HMBOX1: variants seen among roughly 807,000 people sequenced by gnomAD.
The protein encoded by HMBOX1 is homeobox containing 1.
In HMBOX1, 14 loss-of-function variants were observed where a neutral mutation model predicts 54.5. The observed-to-expected ratio is 0.26, with a 90% CI of 0.17 to 0.40. HMBOX1 has a LOEUF of 0.40. Among genes scored for constraint, HMBOX1 ranks in the 10% least tolerant of loss-of-function variants. The pLI is 1.00. For missense variants in HMBOX1, 332 were observed against 514.4 expected (o/e 0.65, Z 3.43); for synonymous variants, 160 against 181.0 (o/e 0.88, Z 0.93).
intron 4 of HMBOX1, among the ~76,000 whole-genome samples, chr8:29,005,831 G>A (rs1406811767): frequency 6.6e-6 from 1 of 152,026 alleles, no homozygotes; most frequent in Non-Finnish European, 1.5e-5. Flanking sequence ...ATATAGTTAT[G>A]TATGGCTTTT....
chr8:29,042,532 TAGA>T (rs1804993946), intron 6 of HMBOX1: 1 of 416,364 alleles, frequency 2.4e-6, no homozygotes, highest in African/African-American at 2.1e-5. Flanking sequence ...GGCAATTGGT[TAGA>T]AAAGACCAAT....
rs775589443 is a variant in HMBOX1, at chr8:29,005,990, A to ATT, written c.587-3063_587-3062dup. Among the ~76,000 whole-genome samples, 368 of 120,846 alleles carry ATT rather than the reference A, an allele frequency of 3.0e-3. 8 individuals carry two copies. The highest frequency in any genetic ancestry group is 0.02 in the South Asian group (70 of 3,584). The allele number at this position is 120,846 out of a possible 152,430, so 79.3% of individuals were successfully genotyped here. On this transcript the variant is annotated intron_variant, in intron 4 of 9. Coordinates refer to ENST00000287701, the MANE Select transcript of HMBOX1 (RefSeq NM_001135726.3). ...GTAGCTATCACAGTTGATGCATTCT[A>ATT]TTTTTTTTTTTTTTTTTTTTGAGAC...
In HMBOX1 at chr8:29,049,087, G is replaced by A. The variant is rs768405634; in HGVS notation, c.1125+39G>A. 3.2e-6 allele frequency: 5 copies of A among 1,583,260 alleles called. No individual in the cohort carries two copies. The Admixed American group carries it at 5.0e-5, about 16-fold the overall frequency. ...CAGCTGGGCGAGGTTCTTGGTGCCT[G>A]AGCAGGGGGTATAGTGGGACAGCTT... On this transcript the variant is annotated intron_variant, in intron 9 of 9. Coordinates refer to ENST00000287701, the MANE Select transcript of HMBOX1 (RefSeq NM_001135726.3).
Position 29,015,107 on chromosome 8 carries a change from G to A in HMBOX1, c.698-3653G>A, listed in dbSNP as rs550089283. Among the ~76,000 whole-genome samples, 3 of 151,894 alleles carry A rather than the reference G, an allele frequency of 2.0e-5. No homozygotes were observed. The South Asian group carries it at 6.2e-4, about 32-fold the overall frequency. ...CATCTGAATTTCCTTCAGTTCTTGA[G>A]ACTGTCTTGACAATACTGAATATTA... On this transcript the variant is annotated intron_variant, in intron 5 of 9. Transcript: ENST00000287701.
chr8:28,924,111 GGT>G (rs1006018665), intron 1 of HMBOX1, among the ~76,000 whole-genome samples: 3 of 142,968 alleles, frequency 2.1e-5, no homozygotes, highest in Non-Finnish European at 4.6e-5. Flanking sequence ...GTTTTTTTTT[GGT>G]TTTTTTTTTT....
At chr8:29,045,228 A>G (rs1211227171) in intron 6 of HMBOX1, 133 bp from the exon 7 acceptor site, 5 of 712,386 alleles carry the variant, frequency 7.0e-6, no homozygotes, top group Non-Finnish European at 1.2e-5. Flanking sequence ...CTCACAGAAC[A>G]TTCCATTTGA....
At chr8:28,973,886 C>G (rs1455841285) in intron 3 of HMBOX1, among the ~76,000 whole-genome samples, 1 of 136,368 alleles carries the variant, frequency 7.3e-6, no homozygotes, top group African/African-American at 2.7e-5. Context: ...GCAATCTTGG[C>G]TCACTGCAAC....
intron 1 of HMBOX1, among the ~76,000 whole-genome samples, chr8:28,909,299 T>C (rs1359294981): frequency 6.6e-6 from 1 of 152,150 alleles, no homozygotes; most frequent in African/African-American, 2.4e-5. Flanking sequence ...TTTTATAATC[T>C]CATTGGCTGA....
At chr8:29,004,947 A>C (rs146675347) in intron 4 of HMBOX1, among the ~76,000 whole-genome samples, 28 of 152,166 alleles carry the variant, frequency 1.8e-4, no homozygotes, top group African/African-American at 6.5e-4. Flanking sequence ...TCACTGTAAA[A>C]CGTGTCCTTT....
intron 3 of HMBOX1, among the ~76,000 whole-genome samples, chr8:28,973,211 A>G (rs941513501): frequency 1.3e-5 from 2 of 152,210 alleles, no homozygotes; most frequent in Non-Finnish European, 2.9e-5. Context: ...CATTAAAACC[A>G]TGATGTGAGG....
intron 1 of HMBOX1, among the ~76,000 whole-genome samples, chr8:28,935,002 A>T (rs957518860): frequency 1.9e-4 from 29 of 152,168 alleles, no homozygotes; most frequent in African/African-American, 7.0e-4. Context: ...CTGGAAAGGG[A>T]AAGCACAATA....
intron 4 of HMBOX1, among the ~76,000 whole-genome samples, chr8:28,994,316 C>G (rs1008031064): frequency 6.6e-6 from 1 of 151,994 alleles, no homozygotes; most frequent in Non-Finnish European, 1.5e-5. Context: ...GGATAGAGTT[C>G]ATTAATAGAT....
At chr8:29,036,081 T>G (rs182297609) in intron 6 of HMBOX1, among the ~76,000 whole-genome samples, 169 of 152,278 alleles carry the variant, frequency 1.1e-3, no homozygotes, top group Non-Finnish European at 2.0e-3. Context: ...TAGGATAAAG[T>G]GTACTAAAAA....
chr8:28,913,342 A>T (rs117330374), intron 1 of HMBOX1, among the ~76,000 whole-genome samples: 1 of 152,228 alleles, frequency 6.6e-6, no homozygotes, highest in East Asian at 1.9e-4. Context: ...TGTTCCAGCT[A>T]ATCTTCTTTA....
intron 1 of HMBOX1, among the ~76,000 whole-genome samples, chr8:28,896,098 A>G (rs1247308337): frequency 1.3e-5 from 2 of 152,190 alleles, no homozygotes; most frequent in African/African-American, 4.8e-5. Flanking sequence ...GACCTTGGGC[A>G]AATCATTTAA....
chr8:28,982,696 G>A (rs964178535), intron 4 of HMBOX1, among the ~76,000 whole-genome samples: 1 of 151,636 alleles, frequency 6.6e-6, no homozygotes, highest in Non-Finnish European at 1.5e-5. Flanking sequence ...TGCGATCTCA[G>A]CTCACTGCAA....
At chr8:29,029,720 G>A (rs972121474) in intron 6 of HMBOX1, among the ~76,000 whole-genome samples, 2 of 152,184 alleles carry the variant, frequency 1.3e-5, no homozygotes, top group East Asian at 1.9e-4. Flanking sequence ...TACGGGAACC[G>A]TAAAATATGA....
chr8:28,923,230 A>G (rs760227146), intron 1 of HMBOX1, among the ~76,000 whole-genome samples: 5 of 152,150 alleles, frequency 3.3e-5, no homozygotes, highest in Admixed American at 6.5e-5. Flanking sequence ...TTCTGTTTCT[A>G]TGGATTTGCC....
chr8:29,047,282 A>T (rs553185668), intron 7 of HMBOX1, 76 bp from the exon 8 acceptor site: 1 of 854,098 alleles, frequency 1.2e-6, no homozygotes. Context: ...ACAAAATAAA[A>T]ATATTAGCCC....
Sources: allele counts gnomAD v4.1 joint callset (sites outside exome capture counted in the v4.1 genomes callset), GRCh38; gene constraint gnomAD v4.1.1; transcripts MANE v1.5; gene names NCBI Gene and HGNC (gene_info 2026-07-23, HGNC 2026-07-21).